The following LIPA variants were observed in gnomAD, a reference collection of about 807,000 sequenced individuals.
LIPA encodes the protein lipase A, lysosomal acid type.
A neutral mutation model predicts 40.6 loss-of-function variants in LIPA; 26 were observed. The observed-to-expected ratio is 0.64, with a 90% CI of 0.47 to 0.89. LIPA has a LOEUF of 0.89. LIPA is among the 40% of genes least tolerant of loss of function. The pLI, the probability that LIPA is intolerant of heterozygous loss-of-function variation, is 0.00. For synonymous variants in LIPA, 188 were observed against 168.4 expected (o/e 1.12, Z -0.90); for missense variants, 455 against 479.6 (o/e 0.95, Z 0.48).
At chr10:89,296,489 CAAAAA>C (rs750487920) in intron 1 of LIPA, among the ~76,000 whole-genome samples, 1 of 102,996 alleles carries the variant, frequency 9.7e-6, no homozygotes. Context: ...GAGACTGTCT[CAAAAA>C]AAAAAAAAAA....
At chr10:89,400,773 C>T (rs1844410159) in intron 2 of LIPA, among the ~76,000 whole-genome samples, 2 of 152,142 alleles carry the variant, frequency 1.3e-5, no homozygotes, top group African/African-American at 2.4e-5. Flanking sequence ...TTCCTAATTG[C>T]TCTGACTAGA....
At chr10:89,219,805 A>AC (rs1842674134) in intron 8 of LIPA, among the ~76,000 whole-genome samples, 1 of 152,264 alleles carries the variant, frequency 6.6e-6, no homozygotes, top group South Asian at 2.1e-4. Flanking sequence ...GCACAAAGCA[A>AC]CCAACCATTT....
At chr10:89,399,194 G>A (rs1401600322) in intron 2 of LIPA, among the ~76,000 whole-genome samples, 1 of 152,010 alleles carries the variant, frequency 6.6e-6, no homozygotes, top group African/African-American at 2.4e-5. Context: ...GTCTATTTAA[G>A]TCCTTTGCCC....
At chr10:89,293,423 TC>T (rs1843388156) in intron 1 of LIPA, 1 of 152,258 alleles carries the variant, frequency 6.6e-6, no homozygotes, top group African/African-American at 2.4e-5. Context: ...CATATGTAAT[TC>T]CTCTTACGGT....
intron 1 of LIPA, among the ~76,000 whole-genome samples, chr10:89,324,232 C>G (rs1276861163): frequency 1.3e-5 from 2 of 152,160 alleles, no homozygotes; most frequent in African/African-American, 4.8e-5. Context: ...CACACACCTA[C>G]AGCCATCTGA....
At chr10:89,246,964 GAATT>G in intron 2 of LIPA, among the ~76,000 whole-genome samples, 1 of 152,172 alleles carries the variant, frequency 6.6e-6, no homozygotes, top group East Asian at 1.9e-4. Flanking sequence ...AAAATGAAAT[GAATT>G]AATAAAAAAT....
rs531589694 is a variant in LIPA at position 89,338,041 on chromosome 10, T to C, written c.-2+4570A>G. Among the ~76,000 whole-genome samples, 13 of 152,330 alleles carry C rather than the reference T, an allele frequency of 8.5e-5. 1 individual carries two copies. The South Asian group carries it at 2.7e-3, about 32-fold the overall frequency. ...GCTAATGTAAGGGTTCTGAGCACAT[T>C]TAAGCTAGGCTAAGCTATGGTAGGT... On this transcript the variant is annotated intron_variant, in intron 1 of 5. Transcript: ENST00000282673.
intron 2 of LIPA, chr10:89,383,696 T>G: frequency 6.2e-7 from 1 of 1,614,236 alleles, no homozygotes; most frequent in East Asian, 2.2e-5. Flanking sequence ...TGCAAGAAGT[T>G]TGCAAATCCT....
chr10:89,306,521 C>A (rs1194984552), intron 1 of LIPA: 1 of 1,614,050 alleles, frequency 6.2e-7, no homozygotes, highest in Non-Finnish European at 8.5e-7. Flanking sequence ...GGACAACTGG[C>A]CACCATCTCA....
chr10:89,392,688 A>G, intron 2 of LIPA: 1 of 1,614,000 alleles, frequency 6.2e-7, no homozygotes, highest in Non-Finnish European at 8.5e-7. Context: ...AACCCTGCAG[A>G]ACGGCTGCCT....
Position 89,402,266 on chromosome 10 carries a change from T to C in LIPA, c.61+10525A>G, listed in dbSNP as rs374574098. 18 of 1,541,290 alleles carry C rather than the reference T, an allele frequency of 1.2e-5. No homozygotes were observed. The Admixed American group carries it at 1.4e-4, about 12-fold the overall frequency. On this transcript the variant is annotated intron_variant, in intron 2 of 8. Transcript: ENST00000371837. ...TTCCTCACCTAACAAAGAAAATCTG[T>C]TTTTGTTTTTACAGTACAAATGGTG...
intron 1 of LIPA, among the ~76,000 whole-genome samples, chr10:89,334,338 G>A (rs1843695666): frequency 6.6e-6 from 1 of 151,914 alleles, no homozygotes; most frequent in African/African-American, 2.4e-5. Context: ...CCGAGGTCAT[G>A]GGAAATCTCT....
intron 2 of LIPA, chr10:89,402,761 C>T (rs777473319): frequency 2.2e-5 from 35 of 1,614,112 alleles, no homozygotes; most frequent in South Asian, 8.8e-5. Flanking sequence ...GGGCCAAGGC[C>T]TGCTTTGAAA....
chr10:89,402,056 A>G (rs1271796806), intron 2 of LIPA, among the ~76,000 whole-genome samples: 1 of 152,248 alleles, frequency 6.6e-6, no homozygotes, highest in Admixed American at 6.5e-5. Flanking sequence ...AATAGGACTC[A>G]TAAGTACAGA....
chr10:89,292,728 G>T lies in LIPA; in HGVS notation c.-1-45079C>A, dbSNP rs115892141. Among the ~76,000 whole-genome samples the T allele has an allele frequency of 6.8e-3, 1,034 of 152,072 alleles. 11 individuals carry two copies. The highest frequency in any genetic ancestry group is 0.024 in the African/African-American group (987 of 41,458). On this transcript the variant is annotated intron_variant, in intron 1 of 5. Transcript: ENST00000282673. ...GGCTGGAGTACAATGGTGCAATCTTGGTTCACTGCAGCCTCAAACTCCTGG... is the reference window on the plus strand; with the variant it reads ...GGCTGGAGTACAATGGTGCAATCTTTGTTCACTGCAGCCTCAAACTCCTGG...
intron 1 of LIPA, among the ~76,000 whole-genome samples, chr10:89,277,043 A>G (rs1843292634): frequency 6.6e-6 from 1 of 152,172 alleles, no homozygotes; most frequent in Non-Finnish European, 1.5e-5. Context: ...TTGAATATAT[A>G]CCTAATGGCT....
chr10:89,246,423 T>C (rs1429118475), intron 2 of LIPA, among the ~76,000 whole-genome samples: 1 of 152,244 alleles, frequency 6.6e-6, no homozygotes, highest in Non-Finnish European at 1.5e-5. Flanking sequence ...ATACCCTCTC[T>C]ACCATAAGTA....
chr10:89,296,636 G>T (rs893956514), intron 1 of LIPA, among the ~76,000 whole-genome samples: 5 of 152,132 alleles, frequency 3.3e-5, no homozygotes, highest in Non-Finnish European at 4.4e-5. Context: ...TTTTAGGAAG[G>T]ATAGTTTCTT....
At chr10:89,255,161 T>G (rs143282721), upstream of LIPA, among the ~76,000 whole-genome samples, 5 of 152,318 alleles carry the variant, frequency 3.3e-5, no homozygotes, top group Admixed American at 2.6e-4. Flanking sequence ...CAATTTACTG[T>G]GTCAGTTCTT....
Sources: gnomAD v4.1 joint callset for allele counts (sites outside exome capture counted in the v4.1 genomes callset) on GRCh38, gnomAD v4.1.1 for gene constraint, MANE v1.5 for transcripts, NCBI Gene and HGNC (gene_info 2026-07-23, HGNC 2026-07-21) for gene names.